The following ZNF737 variants were observed in gnomAD, a reference collection of about 807,000 sequenced individuals.
The protein encoded by ZNF737 is zinc finger protein 102 (Y3).
ZNF737 carries 13 observed loss-of-function variants against 11.7 expected under a neutral mutation model. The observed-to-expected ratio is 1.11, with a 90% CI of 0.73 to 1.77. The LOEUF (loss-of-function observed/expected upper bound fraction) is 1.77, where lower values mean the gene tolerates loss of function less well. Ranked by LOEUF, ZNF737 falls within the 40% of genes most tolerant of loss-of-function variation. The pLI, the probability that ZNF737 is intolerant of heterozygous loss-of-function variation, is 0.00. For synonymous variants in ZNF737, 217 were observed against 216.2 expected (o/e 1.00, Z -0.03); for missense variants, 636 against 638.0 (o/e 1.00, Z 0.03).
intron 3 of ZNF737, among the ~76,000 whole-genome samples, chr19:20,548,522 T>C (rs1163295949): frequency 6.6e-6 from 1 of 152,178 alleles, no homozygotes; most frequent in Non-Finnish European, 1.5e-5. Flanking sequence ...GAGCAGTTGT[T>C]ACTTAATGGT....
At chr19:20,564,345 G>C (rs1403151710) in intron 1 of ZNF737, among the ~76,000 whole-genome samples, 4 of 152,256 alleles carry the variant, frequency 2.6e-5, no homozygotes, top group Admixed American at 6.5e-5. Flanking sequence ...ATGTGTTGAC[G>C]AATCTATGTA....
intron 2 of ZNF737, among the ~76,000 whole-genome samples, 168 bp from the exon 3 acceptor site, chr19:20,552,738 G>A (rs1968729729): frequency 6.6e-6 from 1 of 151,806 alleles, no homozygotes. Flanking sequence ...AATTTGCCAG[G>A]TGCAGTTACT....
chr19:20,550,527 A>G (rs918597182), intron 3 of ZNF737, among the ~76,000 whole-genome samples: 3 of 152,210 alleles, frequency 2.0e-5, no homozygotes, highest in Admixed American at 6.5e-5. Context: ...CAGTAAAATG[A>G]AAAGATTAAA....
rs1442322231 is a variant in ZNF737 at position 20,542,207 on chromosome 19, ATTAAG to A, written c.*2380_*2384del. ...CTTACCATGGTAAAAATAAAATAAAATTAAGTTCACAAATAATCTAACAAACTTTT... is the reference window on the plus strand; with the variant it reads ...CTTACCATGGTAAAAATAAAATAAAATTCACAAATAATCTAACAAACTTTT... On this transcript the variant is annotated 3_prime_UTR_variant, in exon 4 of 4. Coordinates refer to ENST00000427401, the MANE Select transcript of ZNF737 (RefSeq NM_001159293.2). 3.0e-6 allele frequency: 3 copies of A among 983,668 alleles called. No homozygotes were observed. In the African/African-American group the frequency reaches 5.3e-5, roughly 17 times the overall value. The allele number at this position is 983,668 out of a possible 1,614,324, so 60.9% of individuals were successfully genotyped here.
At chr19:20,537,311 C>A (rs1349622005), downstream of ZNF737, among the ~76,000 whole-genome samples, 2 of 151,342 alleles carry the variant, frequency 1.3e-5, no homozygotes, top group Admixed American at 6.6e-5. Flanking sequence ...CACAACTCTT[C>A]TGCCTCAGCC....
At chr19:20,560,172 C>CAGA (rs1491361057) in intron 1 of ZNF737, among the ~76,000 whole-genome samples, 3 of 70,736 alleles carry the variant, frequency 4.2e-5, no homozygotes, top group Non-Finnish European at 7.4e-5. Context: ...GACTCCGTCT[C>CAGA]AAAAAAAAAA....
chr19:20,536,537 A>G (rs570667980), downstream of ZNF737, among the ~76,000 whole-genome samples: 1 of 152,242 alleles, frequency 6.6e-6, no homozygotes, highest in East Asian at 1.9e-4. Flanking sequence ...CAGGTCAAGC[A>G]TGGTGGCTCA....
At chr19:20,532,865 CCAT>C (rs1161352911), downstream of ZNF737, among the ~76,000 whole-genome samples, 3 of 149,748 alleles carry the variant, frequency 2.0e-5, no homozygotes, top group Non-Finnish European at 4.4e-5. Flanking sequence ...ATATTTGCTT[CCAT>C]CATCATCATC....
At chr19:20,547,718 AAC>A (rs1491041033) in intron 3 of ZNF737, among the ~76,000 whole-genome samples, 4 of 152,014 alleles carry the variant, frequency 2.6e-5, no homozygotes, top group Admixed American at 6.6e-5. Flanking sequence ...AAATTAAAAA[AAC>A]ACACAATGAC....
intron 1 of ZNF737, among the ~76,000 whole-genome samples, 171 bp downstream of exon 1, chr19:20,565,467 C>T (rs559294358): frequency 9.2e-4 from 140 of 152,276 alleles, no homozygotes; most frequent in African/African-American, 3.2e-3. Context: ...CGGCTGTCAG[C>T]GTAGCCGCCA....
In ZNF737 at chr19:20,538,968, A is replaced by G; in HGVS notation, c.*5624T>C. On this transcript the variant is annotated 3_prime_UTR_variant, in exon 4 of 4. Coordinates refer to ENST00000427401, the MANE Select transcript of ZNF737 (RefSeq NM_001159293.2). Reference sequence around the variant, plus strand: ...GTGTTAAAGCAAATCAGAGAAGAGCAATGTGTGTACATAATGTGCATTTTC... The same window carrying G: ...GTGTTAAAGCAAATCAGAGAAGAGCGATGTGTGTACATAATGTGCATTTTC... 5.1e-6 allele frequency: 5 copies of G among 985,408 alleles called. No homozygotes were observed. Among genetic ancestry groups the G allele is most frequent in the Non-Finnish European group, 6.0e-6 (5 of 829,928 alleles). 61.0% of individuals were successfully genotyped at this position (985,408 alleles called of 1,614,324 possible). A position where few individuals can be genotyped will look rare whatever the true frequency, so the allele number is the denominator to read the frequency against.
intron 3 of ZNF737, among the ~76,000 whole-genome samples, chr19:20,551,964 G>GA (rs34524374): frequency 6.4e-5 from 9 of 140,336 alleles, no homozygotes; most frequent in East Asian, 2.0e-4. Flanking sequence ...AAGCAATCTT[G>GA]AAAAAAAAAA....
chr19:20,544,969 G>A lies in ZNF737; in HGVS notation c.1234C>T (p.Leu412Phe). The change falls in exon 4 of 4, where the codon CTT (leucine) becomes TTT (phenylalanine). Residue 412 changes from leucine (L) to phenylalanine (F), a missense_variant. Transcript: ENST00000427401. The stretch of plus-strand genomic sequence containing the variant: ...GTATGGATTATCTTATGTGTAGTAA[G>A]GGAAGAGGAGTACTTAAAGGCTTCG... The part of the protein sequence containing the change: ...CGEAFKYSSS[L>F]TTHKIIHTGQ... 1 of 1,613,258 alleles carries A rather than the reference G, an allele frequency of 6.2e-7. No homozygotes were observed. Among genetic ancestry groups the A allele is most frequent in the Non-Finnish European group, 8.5e-7 (1 of 1,179,654 alleles).
chr19:20,531,264 G>GGA (rs782021940), downstream of ZNF737, among the ~76,000 whole-genome samples: 7,326 of 133,714 alleles, frequency 0.055, 501 homozygotes, highest in African/African-American at 0.095. Flanking sequence ...AGGGGAGAGG[G>GGA]GAGGGGAGAG....
downstream of ZNF737, among the ~76,000 whole-genome samples, chr19:20,531,199 G>A (rs1167841272): frequency 2.8e-5 from 4 of 141,110 alleles, no homozygotes; most frequent in Non-Finnish European, 4.6e-5. Context: ...CTTTGGCTTG[G>A]CATGAGAGGG....
intron 1 of ZNF737, among the ~76,000 whole-genome samples, chr19:20,555,016 C>T (rs1165929898): frequency 6.6e-6 from 1 of 151,154 alleles, no homozygotes; most frequent in African/African-American, 2.4e-5. Context: ...GTGCCTGCCA[C>T]CACGCCCGGC....
chr19:20,531,821 G>T (rs113828646), downstream of ZNF737, among the ~76,000 whole-genome samples: 2,627 of 149,904 alleles, frequency 0.018, 230 homozygotes, highest in African/African-American at 0.061. Flanking sequence ...GACACATCTA[G>T]ATATAAATAT....
At chr19:20,549,250 A>T (rs1245272607) in intron 3 of ZNF737, among the ~76,000 whole-genome samples, 2 of 152,190 alleles carry the variant, frequency 1.3e-5, no homozygotes, top group Non-Finnish European at 2.9e-5. Flanking sequence ...CCTTAAATTG[A>T]CTTAAAGTGT....
intron 1 of ZNF737, among the ~76,000 whole-genome samples, chr19:20,559,992 C>T (rs1555761996): frequency 1.3e-5 from 2 of 151,328 alleles, no homozygotes; most frequent in East Asian, 1.9e-4. Context: ...AGGTGAAACC[C>T]CGTCTCTACT....
Sources: allele counts gnomAD v4.1 joint callset (sites outside exome capture counted in the v4.1 genomes callset), GRCh38; gene constraint gnomAD v4.1.1; transcripts MANE v1.5; gene names NCBI Gene and HGNC (gene_info 2026-07-23, HGNC 2026-07-21).